Variants in ZFYVE9 observed in about 807,000 individuals in gnomAD.
ZFYVE9 encodes the protein zinc finger FYVE-type containing 9.
ZFYVE9 carries 43 observed loss-of-function variants against 126.7 expected under a neutral mutation model. The ratio of observed to expected loss-of-function variants is 0.34; its 90% CI spans 0.27 to 0.44. The LOEUF (loss-of-function observed/expected upper bound fraction) is 0.44, where lower values mean the gene tolerates loss of function less well. Ranked by LOEUF, ZFYVE9 falls within the 20% of genes least tolerant of loss-of-function variation. The probability of loss-of-function intolerance (pLI) is 1.00; values close to 1 mark genes in which losing one functional copy is unlikely to be tolerated. For synonymous variants in ZFYVE9, 521 were observed against 597.4 expected, an observed-to-expected ratio of 0.87 and a Z score of 1.87; for missense variants, 1,476 against 1,697.0, an observed-to-expected ratio of 0.87 and a Z score of 2.29.
chr1:52,251,026 TTTGTTGTTG>T (rs200636201), intron 4 of ZFYVE9, among the ~76,000 whole-genome samples: 5,074 of 147,014 alleles, frequency 0.035, 263 homozygotes, highest in African/African-American at 0.12. Context: ...TTCAGTCGTT[TTTGTTGTTG>T]TTGTTGTTGT....
At chr1:52,222,032 C>T (rs1454623510) in intron 2 of ZFYVE9, among the ~76,000 whole-genome samples, 2 of 152,150 alleles carry the variant, frequency 1.3e-5, no homozygotes, top group African/African-American at 2.4e-5. Flanking sequence ...TCCTATCTTT[C>T]GTTTGCCTTT....
intron 1 of ZFYVE9, among the ~76,000 whole-genome samples, chr1:52,210,732 GC>G (rs1645020475): frequency 6.6e-6 from 1 of 152,156 alleles, no homozygotes; most frequent in Non-Finnish European, 1.5e-5. Context: ...TTGGCTCACT[GC>G]AACCTCCACC....
At chr1:52,170,482 CATTT>C (rs1269394684) in intron 1 of ZFYVE9, among the ~76,000 whole-genome samples, 1 of 151,790 alleles carries the variant, frequency 6.6e-6, no homozygotes, top group South Asian at 2.1e-4. Flanking sequence ...TTTTCAAATT[CATTT>C]ATTCTCTGAT....
At chr1:52,269,371 T>G (rs1009800148) in intron 7 of ZFYVE9, among the ~76,000 whole-genome samples, 8 of 152,018 alleles carry the variant, frequency 5.3e-5, no homozygotes, top group African/African-American at 1.9e-4. Flanking sequence ...CCTCAAGTGA[T>G]CCACCCCCTC....
intron 1 of ZFYVE9, among the ~76,000 whole-genome samples, chr1:52,177,879 A>G (rs2985751): frequency 0.97 from 147,202 of 152,172 alleles, 71,214 homozygotes; most frequent in East Asian, 1. Context: ...GGCAAGAGGT[A>G]AAGTAGATAC....
chr1:52,185,095 C>T (rs573419257), intron 1 of ZFYVE9, among the ~76,000 whole-genome samples: 6 of 152,264 alleles, frequency 3.9e-5, no homozygotes, highest in Middle Eastern at 3.4e-3. Context: ...GGTCTGCCTC[C>T]GCATTGCAGT....
intron 6 of ZFYVE9, among the ~76,000 whole-genome samples, chr1:52,267,292 A>G (rs1050789944): frequency 2.0e-5 from 3 of 152,190 alleles, no homozygotes; most frequent in African/African-American, 4.8e-5. Flanking sequence ...CTGTCCATAT[A>G]AAAATATGAA....
chr1:52,322,377 C>CTTTTTTTT (rs113375062), intron 13 of ZFYVE9, among the ~76,000 whole-genome samples: 4 of 119,480 alleles, frequency 3.3e-5, no homozygotes, highest in East Asian at 2.4e-4. Flanking sequence ...GTGGTCTTTT[C>CTTTTTTTT]TTTTTTTTTT....
chr1:52,192,389 C>T (rs376691881), intron 1 of ZFYVE9, among the ~76,000 whole-genome samples: 7 of 152,130 alleles, frequency 4.6e-5, no homozygotes, highest in Non-Finnish European at 8.8e-5. Flanking sequence ...TGTATAAGAC[C>T]GTGTACCAGG....
At chr1:52,197,336 G>C (rs1296018696) in intron 1 of ZFYVE9, among the ~76,000 whole-genome samples, 2 of 152,140 alleles carry the variant, frequency 1.3e-5, no homozygotes, top group African/African-American at 4.8e-5. Flanking sequence ...GAAAATAGAT[G>C]TATGTGTTGA....
chr1:52,179,580 G>A (rs987026443), intron 1 of ZFYVE9, among the ~76,000 whole-genome samples: 2 of 152,092 alleles, frequency 1.3e-5, no homozygotes, highest in African/African-American at 4.8e-5. Flanking sequence ...GTTGCAGTGA[G>A]CTGAGATTGT....
intron 12 of ZFYVE9, among the ~76,000 whole-genome samples, chr1:52,299,659 G>C (rs1646013887): frequency 6.6e-6 from 1 of 152,210 alleles, no homozygotes; most frequent in African/African-American, 2.4e-5. Flanking sequence ...GAGGTGCCAT[G>C]TGAGTTCAGT....
At chr1:52,148,070 A>G (rs917794194) in intron 1 of ZFYVE9, among the ~76,000 whole-genome samples, 2 of 151,630 alleles carry the variant, frequency 1.3e-5, no homozygotes, top group African/African-American at 4.8e-5. Context: ...ATGAGCCACC[A>G]TGCTCCTGGT....
chr1:52,166,412 C>T (rs757804110), intron 1 of ZFYVE9, among the ~76,000 whole-genome samples: 4 of 152,174 alleles, frequency 2.6e-5, no homozygotes, highest in Non-Finnish European at 5.9e-5. Flanking sequence ...ATGTTGCAAC[C>T]TGCACTTTAC....
chr1:52,193,393 CAAAAA>C (rs397863555), intron 1 of ZFYVE9, among the ~76,000 whole-genome samples: 21 of 95,808 alleles, frequency 2.2e-4, no homozygotes, highest in Admixed American at 1.8e-3. Context: ...TTGTCAGTAT[CAAAAA>C]AAAAAAAAAA....
At chr1:52,223,182 C>T (rs1368633466) in intron 2 of ZFYVE9, among the ~76,000 whole-genome samples, 1 of 152,174 alleles carries the variant, frequency 6.6e-6, no homozygotes, top group East Asian at 1.9e-4. Flanking sequence ...CTTCAAATGT[C>T]ATGAGTGGAA....
At position 52,297,242 on chromosome 1, in the gene ZFYVE9, C is replaced by CTT. The variant is rs767708782; in HGVS notation, c.3333+1281_3333+1282dup. ...AGTAGTTTTCATGAAAAAAACATTT[C>CTT]TTTTTTTTTTTTTTTTTGGAGATGG... is the stretch of plus-strand genomic sequence containing the variant. On this transcript the variant is annotated intron_variant, in intron 12 of 18. Coordinates refer to ENST00000287727, the MANE Select transcript of ZFYVE9 (RefSeq NM_004799.4). 6.9e-4 allele frequency among the ~76,000 whole-genome samples: 93 copies of CTT among 134,070 alleles called. 2 individuals are homozygous for CTT. The highest frequency in any genetic ancestry group is 2.0e-3 in the African/African-American group (72 of 35,796). 88.0% of individuals were successfully genotyped at this position (134,070 alleles called of 152,430 possible).
chr1:52,323,949 C>T (rs1030245557), intron 13 of ZFYVE9, among the ~76,000 whole-genome samples: 2 of 148,230 alleles, frequency 1.3e-5, no homozygotes, highest in South Asian at 2.1e-4. Flanking sequence ...ATTTGAGCTA[C>T]TTGAGAGGCT....
intron 1 of ZFYVE9, among the ~76,000 whole-genome samples, chr1:52,187,114 C>A (rs966883156): frequency 2.0e-5 from 3 of 152,108 alleles, no homozygotes; most frequent in African/African-American, 7.2e-5. Flanking sequence ...TAACACAAAA[C>A]AGACACGTAA....
Sources: gnomAD v4.1 joint callset for allele counts (sites outside exome capture counted in the v4.1 genomes callset) on GRCh38, gnomAD v4.1.1 for gene constraint, MANE v1.5 for transcripts, NCBI Gene and HGNC (gene_info 2026-07-23, HGNC 2026-07-21) for gene names.